Variants in APC observed in about 807,000 individuals in gnomAD.
The protein encoded by APC is APC regulator of Wnt signaling pathway, also known as adenomatous polyposis coli protein.
In APC, 72 loss-of-function variants were observed where a neutral mutation model predicts 247.0. That is an observed-to-expected ratio of 0.29 (90% confidence interval 0.24 to 0.35). APC has a LOEUF of 0.35. Among genes scored for constraint, APC ranks in the 10% least tolerant of loss-of-function variants. APC has a pLI of 1.00. For missense variants in APC, 3,400 were observed against 3,360.7 expected (o/e 1.01, Z -0.29); for synonymous variants, 1,254 against 1,162.5 (o/e 1.08, Z -1.60).
chr5:112,720,797 A>G (rs1213746231), intron 1 of APC, among the ~76,000 whole-genome samples: 1 of 152,226 alleles, frequency 6.6e-6, no homozygotes, highest in Non-Finnish European at 1.5e-5. Context: ...AAGTGAAACC[A>G]GCTAGCTTTG....
rs778646650 is a variant in APC, at chr5:112,840,351, A to T, written c.4757A>T (p.Lys1586Met). The T allele has an allele frequency of 6.2e-7, 1 of 1,614,086 alleles. No individual in the cohort carries two copies. The highest frequency in any genetic ancestry group is 2.2e-5 in the East Asian group (1 of 44,898). ...EECIISAMPT[K>M]SSRKAKKPAQ... ...TGTATTATTTCTGCCATGCCAACAAAGTCATCACGTAAAGCAAAAAAGCCA... is the reference window on the plus strand; with the variant it reads ...TGTATTATTTCTGCCATGCCAACAATGTCATCACGTAAAGCAAAAAAGCCA... The change falls in exon 16 of 16, where the codon AAG becomes ATG. Residue 1586 changes from lysine (K) to methionine (M), a missense_variant. Transcript: ENST00000257430. The surrounding 1 kb of genome is among the most constrained non-coding windows in gnomAD (Gnocchi z 4.1).
At chr5:112,837,472 C>T in intron 15 of APC, 81 bp from the exon 16 acceptor site, 2 of 1,030,962 alleles carry the variant, frequency 1.9e-6, no homozygotes, top group East Asian at 2.5e-5. Flanking sequence ...CATATTATGC[C>T]TTTTGTCTTC....
At chr5:112,806,688 C>T (rs1267530642) in intron 8 of APC, among the ~76,000 whole-genome samples, 1 of 152,090 alleles carries the variant, frequency 6.6e-6, no homozygotes, top group Non-Finnish European at 1.5e-5. Context: ...AGCCATTCTT[C>T]CACTGTCATT....
rs1581160506 is a variant in APC at position 112,766,387 on chromosome 5, T to C, written c.197T>C (p.Ile66Thr). ...EDEAMASSGQIDLLERLKELN... is the reference protein window; with the variant it reads ...EDEAMASSGQTDLLERLKELN... ...GAAGCTATGGCTTCTTCTGGACAGATTGATTTATTAGAGCGTCTTAAAGGT... is the reference window on the plus strand; with the variant it reads ...GAAGCTATGGCTTCTTCTGGACAGACTGATTTATTAGAGCGTCTTAAAGGT... Residue 66 changes from isoleucine (I) to threonine (T), a missense_variant, in exon 3 of 16, where the codon ATT becomes ACT. Transcript: ENST00000257430. 7 of 1,611,740 alleles carry C rather than the reference T, an allele frequency of 4.3e-6. No individual in the cohort carries two copies. The highest frequency in any genetic ancestry group is 1.7e-5 in the Admixed American group (1 of 59,980).
chr5:112,719,403 A>G (rs1751358200), intron 1 of APC, among the ~76,000 whole-genome samples: 1 of 150,474 alleles, frequency 6.6e-6, no homozygotes, highest in Non-Finnish European at 1.5e-5. Context: ...TTTAATTTTT[A>G]GTAGAGGTGG....
rs1412689546 is a variant in APC at position 112,827,131 on chromosome 5, T to C, written c.1432T>C (p.Leu478=). Residue 478 remains leucine (L), a synonymous_variant, in exon 12 of 16, where the codon TTA becomes CTA. Transcript: ENST00000257430. ...ELGGLQAIAE[L]LQVDCEMYGL... ...AGGGGGACTACAGGCCATTGCAGAA[T>C]TATTGCAAGTGGACTGTGAAATGTA... 1 of 1,613,794 alleles carries C rather than the reference T, an allele frequency of 6.2e-7. No individual in the cohort carries two copies. The highest frequency in any genetic ancestry group is 1.7e-5 in the Admixed American group (1 of 59,986).
At chr5:112,810,074 G>A (rs1457322781) in intron 8 of APC, 8 of 451,660 alleles carry the variant, frequency 1.8e-5, no homozygotes, top group Non-Finnish European at 2.7e-5. Flanking sequence ...AGAAAAGATC[G>A]TTAACTGATA....
chr5:112,770,668 G>A (rs1459020157), intron 4 of APC, among the ~76,000 whole-genome samples: 2 of 152,052 alleles, frequency 1.3e-5, no homozygotes, highest in African/African-American at 2.4e-5. Context: ...CCTTTGCTAT[G>A]TTCAGTCTCA....
intron 4 of APC, among the ~76,000 whole-genome samples, chr5:112,771,152 A>G (rs962860465): frequency 5.3e-5 from 8 of 152,146 alleles, no homozygotes; most frequent in African/African-American, 1.4e-4. Context: ...ATAGAATATC[A>G]TACTCTTTGT....
intron 7 of APC, among the ~76,000 whole-genome samples, chr5:112,792,960 C>CA (rs1000589419): frequency 6.6e-6 from 1 of 151,972 alleles, no homozygotes; most frequent in Non-Finnish European, 1.5e-5. Context: ...CAGTAAAATC[C>CA]GTGGAGCTGG....
At chr5:112,718,100 A>G (rs2149651473) in intron 1 of APC, among the ~76,000 whole-genome samples, 1 of 150,896 alleles carries the variant, frequency 6.6e-6, no homozygotes, top group African/African-American at 2.4e-5. Context: ...TTCTTTTCAA[A>G]ACTGTATCAC....
At chr5:112,812,151 A>T (rs1762050348) in intron 8 of APC, among the ~76,000 whole-genome samples, 1 of 152,198 alleles carries the variant, frequency 6.6e-6, no homozygotes, top group African/African-American at 2.4e-5. Flanking sequence ...ATAGCATTTT[A>T]TTCACTAGAA....
chr5:112,788,577 T>C (rs1178805985), intron 6 of APC, among the ~76,000 whole-genome samples: 2 of 152,176 alleles, frequency 1.3e-5, no homozygotes, highest in Non-Finnish European at 2.9e-5. Context: ...ACCTGGCACA[T>C]AGTAAGCAAA....
At position 112,801,270 on chromosome 5, in the gene APC, T is replaced by C. The variant is rs780218375; in HGVS notation, c.730-9T>C. 2 of 1,610,644 alleles carry C rather than the reference T, an allele frequency of 1.2e-6. No individual in the cohort carries two copies. Among genetic ancestry groups the C allele is most frequent in the Middle Eastern group, 1.7e-4 (1 of 6,042 alleles). On this transcript the variant is annotated splice_polypyrimidine_tract_variant and intron_variant, in intron 7 of 15. Coordinates refer to ENST00000257430, the MANE Select transcript of APC (RefSeq NM_000038.6). ...TTTGCATGTACTGATGTTAACTCCA[T>C]CTTAACAGAGGTCATCTCAGAACAA...
At position 112,708,005 on chromosome 5, in the gene APC, C is replaced by G. The variant is rs572561063; in HGVS notation, c.165+123C>G. 5.0e-6 allele frequency: 5 copies of G among 997,494 alleles called. No homozygotes were observed. The African/African-American group carries it at 8.4e-5, about 17-fold the overall frequency. The allele number at this position is 997,494 out of a possible 1,614,324, so 61.8% of individuals were successfully genotyped here. On this transcript the variant is annotated intron_variant, in intron 1 of 13. Transcript: ENST00000507379. ...GTGGCTCTCTTCTCTCCATGTCTCA[C>G]CCTCTCCCCTCCCCGCACTCCCCAT... is the stretch of plus-strand genomic sequence containing the variant.
At chr5:112,751,496 G>A (rs1249891635) in intron 1 of APC, among the ~76,000 whole-genome samples, 2 of 151,896 alleles carry the variant, frequency 1.3e-5, no homozygotes, top group Non-Finnish European at 2.9e-5. Flanking sequence ...TCCATTTGTT[G>A]AAGTCTACTT....
At position 112,840,095 on chromosome 5, in the gene APC, T is replaced by C. The variant is rs2149916210; in HGVS notation, c.4501T>C (p.Ser1501Pro). The C allele has an allele frequency of 6.2e-7, 1 of 1,614,184 alleles. No homozygotes were observed. Among genetic ancestry groups the C allele is most frequent in the Non-Finnish European group, 8.5e-7 (1 of 1,180,020 alleles). Residue 1501 changes from serine (S) to proline (P), a missense_variant, in exon 16 of 16, where the codon TCT becomes CCT. Physicochemically the swap from Ser to Pro is moderately conservative, Grantham distance 74. Coordinates refer to ENST00000257430, the MANE Select transcript of APC (RefSeq NM_000038.6). The surrounding 1 kb of genome is among the most constrained non-coding windows in gnomAD (Gnocchi z 4.1). ...CACGGAAAGTACTCCAGATGGATTT[T>C]CTTGTTCATCCAGCCTGAGTGCTCT... ...FATESTPDGF[S>P]CSSSLSALSL...
chr5:112,770,666 A>G (rs1756937026), intron 4 of APC, among the ~76,000 whole-genome samples: 1 of 152,088 alleles, frequency 6.6e-6, no homozygotes, highest in South Asian at 2.1e-4. Flanking sequence ...TTCCTTTGCT[A>G]TGTTCAGTCT....
At position 112,767,385 on chromosome 5, in the gene APC, A is replaced by G. The variant is rs1554069848; in HGVS notation, c.417A>G (p.Lys139=). Reference sequence around the variant, plus strand: ...CTGGATATTTAGAAGAACTTGAGAAAGAGAGGTAACTTTTCTTCATATAGT... The same window carrying G: ...CTGGATATTTAGAAGAACTTGAGAAGGAGAGGTAACTTTTCTTCATATAGT... The part of the protein sequence containing the change: ...ESTGYLEELE[K]ERSLLLADLD... Residue 139 remains lysine, a synonymous_variant, in exon 4 of 16, where the codon AAA becomes AAG. Transcript: ENST00000257430. 2.5e-6 allele frequency: 4 copies of G among 1,613,448 alleles called. No individual in the cohort carries two copies. Among genetic ancestry groups the G allele is most frequent in the Non-Finnish European group, 3.4e-6 (4 of 1,179,420 alleles).
Sources: gnomAD v4.1 joint callset for allele counts (sites outside exome capture counted in the v4.1 genomes callset) on GRCh38, gnomAD v4.1.1 for gene constraint, Gnocchi (gnomAD v3.1) non-coding constraint, MANE v1.5 for transcripts, NCBI Gene and HGNC (gene_info 2026-07-23, HGNC 2026-07-21) for gene names.